The following ARHGAP8 variants were observed in gnomAD, a reference collection of about 807,000 sequenced individuals.
The protein encoded by ARHGAP8 is Rho GTPase activating protein 8, also known as rho GTPase-activating protein 8.
A neutral mutation model predicts 46.1 loss-of-function variants in ARHGAP8; 62 were observed. That is an observed-to-expected ratio of 1.34 (90% CI 1.10 to 1.66). The LOEUF is 1.66. Ranked by LOEUF, ARHGAP8 falls within the 40% of genes most tolerant of loss-of-function variation. The probability of loss-of-function intolerance (pLI) is 0.00; values close to 1 mark genes in which losing one functional copy is unlikely to be tolerated. For synonymous variants in ARHGAP8, 375 were observed against 243.1 expected (o/e 1.54, Z -5.05); for missense variants, 923 against 568.4 (o/e 1.62, Z -6.34).
intron 10 of ARHGAP8, among the ~76,000 whole-genome samples, chr22:44,851,927 A>G (rs916451913): frequency 7.2e-5 from 11 of 151,828 alleles, no homozygotes; most frequent in Non-Finnish European, 1.5e-4. Context: ...GCAGTGGCTC[A>G]CTCCTGTAAA....
intron 10 of ARHGAP8, among the ~76,000 whole-genome samples, chr22:44,852,361 A>G (rs6007324): frequency 0.51 from 77,537 of 151,428 alleles, 20,317 homozygotes; most frequent in African/African-American, 0.62. Flanking sequence ...CACCCTCTGG[A>G]CATAGGGAAG....
rs899210597 is a variant in ARHGAP8 at position 44,752,592 on chromosome 22, G to A, written c.-107G>A. Reference sequence around the variant, plus strand: ...GAGGGGCCAGGTGAGCGGCAGACCCGGCACGCAGGTGGGGGCCGGCGGGGT... The same window carrying A: ...GAGGGGCCAGGTGAGCGGCAGACCCAGCACGCAGGTGGGGGCCGGCGGGGT... On this transcript the variant is annotated 5_prime_UTR_variant, in exon 1 of 12. Coordinates refer to ENST00000356099, the MANE Select transcript of ARHGAP8 (RefSeq NM_181335.3). 6.6e-6 allele frequency: 1 copy of A among 151,920 alleles called. No individual in the cohort carries two copies. Among genetic ancestry groups the A allele is most frequent in the Non-Finnish European group, 1.5e-5 (1 of 68,022 alleles). The allele number at this position is 151,920 out of a possible 1,614,324, so 9.4% of individuals were successfully genotyped here. A position where few individuals can be genotyped will look rare whatever the true frequency, so the allele number is the denominator to read the frequency against.
At chr22:44,832,683 G>T (rs1171634275) in intron 7 of ARHGAP8, among the ~76,000 whole-genome samples, 5 of 151,990 alleles carry the variant, frequency 3.3e-5, no homozygotes, top group Non-Finnish European at 7.4e-5. Flanking sequence ...CTATATCCAG[G>T]ATCATGTCAT....
At chr22:44,774,190 C>T (rs1248143238) in intron 1 of ARHGAP8, among the ~76,000 whole-genome samples, 1 of 152,130 alleles carries the variant, frequency 6.6e-6, no homozygotes, top group Non-Finnish European at 1.5e-5. Context: ...TCCTTCAACA[C>T]CAGGCTGGTT....
chr22:44,828,867 AG>A (rs1930726492), intron 7 of ARHGAP8, among the ~76,000 whole-genome samples: 2 of 152,230 alleles, frequency 1.3e-5, no homozygotes, highest in South Asian at 4.1e-4. Context: ...TGTGGCACAC[AG>A]GGTCCCAGGG....
At chr22:44,808,760 T>A in intron 4 of ARHGAP8, 1 of 480,856 alleles carries the variant, frequency 2.1e-6, no homozygotes, top group South Asian at 1.6e-5. Context: ...GGTCAGGAGT[T>A]CGAGACCAGG....
At chr22:44,816,218 C>T (rs958612895) in intron 5 of ARHGAP8, among the ~76,000 whole-genome samples, 5 of 152,254 alleles carry the variant, frequency 3.3e-5, no homozygotes, top group Middle Eastern at 3.4e-3. Context: ...CCACAGACAC[C>T]GTGTGAGTGG....
chr22:44,856,992 G>A (rs2070243961), intron 10 of ARHGAP8, among the ~76,000 whole-genome samples: 1 of 141,788 alleles, frequency 7.1e-6, no homozygotes, highest in Admixed American at 6.8e-5. Flanking sequence ...AAAGGCTGGA[G>A]TGCAATGGTG....
intron 1 of ARHGAP8, among the ~76,000 whole-genome samples, chr22:44,770,404 C>CTT (rs59724840): frequency 0.056 from 8,195 of 145,724 alleles, 806 homozygotes; most frequent in African/African-American, 0.19. Flanking sequence ...ACCTTAGATT[C>CTT]TTTTTTTTTT....
At chr22:44,861,768 G>C (rs2070498059) in intron 11 of ARHGAP8, among the ~76,000 whole-genome samples, 1 of 152,166 alleles carries the variant, frequency 6.6e-6, no homozygotes, top group Admixed American at 6.5e-5. Flanking sequence ...AAGATGGGGA[G>C]TAATGACTCC....
chr22:44,822,586 T>C, intron 6 of ARHGAP8, 117 bp downstream of exon 6: 1 of 976,300 alleles, frequency 1.0e-6, no homozygotes, highest in Non-Finnish European at 1.4e-6. Flanking sequence ...TGGCTAGATT[T>C]GGCTCAGAAA....
intron 5 of ARHGAP8, 31 bp from the exon 6 acceptor site, chr22:44,822,340 G>A (rs764806601): frequency 1.6e-5 from 25 of 1,570,832 alleles, no homozygotes; most frequent in South Asian, 4.8e-5. Context: ...GCGCCTAATC[G>A]TTCTTTATTC....
chr22:44,852,800 T>TTTTG (rs774366081), intron 10 of ARHGAP8, among the ~76,000 whole-genome samples: 1 of 152,030 alleles, frequency 6.6e-6, no homozygotes, highest in Admixed American at 6.6e-5. Context: ...TTATTTTGTT[T>TTTTG]TTTGTTTGTT....
intron 1 of ARHGAP8, among the ~76,000 whole-genome samples, chr22:44,782,244 G>A (rs1260959147): frequency 6.6e-6 from 1 of 152,148 alleles, no homozygotes; most frequent in Non-Finnish European, 1.5e-5. Context: ...GGCTGAGGCA[G>A]GAGAATCGCT....
chr22:44,774,509 C>A (rs896504233), intron 1 of ARHGAP8, among the ~76,000 whole-genome samples: 6 of 141,382 alleles, frequency 4.2e-5, no homozygotes, highest in Non-Finnish European at 9.3e-5. Flanking sequence ...ATTGGTATTT[C>A]TTTGGGAGAT....
In ARHGAP8 at chr22:44,759,558, G is replaced by T. The variant is rs143514503; in HGVS notation, c.-72+6931G>T. Among the ~76,000 whole-genome samples, 1,132 of 152,326 alleles carry T rather than the reference G, an allele frequency of 7.4e-3. 9 individuals carry two copies. The highest frequency in any genetic ancestry group is 0.026 in the African/African-American group (1,091 of 41,570). ...GTTAGCTATTCCCTTCATTCTCTGT[G>T]GGCTGCTGGGTCTGCAGAGGGGCGG... On this transcript the variant is annotated intron_variant, in intron 1 of 11. Coordinates refer to ENST00000356099, the MANE Select transcript of ARHGAP8 (RefSeq NM_181335.3).
At chr22:44,765,768 C>T (rs555200551) in intron 1 of ARHGAP8, 1 of 152,530 alleles carries the variant, frequency 6.6e-6, no homozygotes, top group East Asian at 1.9e-4. Context: ...GTGCCAAGTT[C>T]TCAGCTCGCC....
intron 8 of ARHGAP8, among the ~76,000 whole-genome samples, chr22:44,846,810 A>C (rs1226288700): frequency 6.6e-6 from 1 of 151,970 alleles, no homozygotes; most frequent in Non-Finnish European, 1.5e-5. Flanking sequence ...CAGCTATTCC[A>C]CCGAGAGCTG....
At chr22:44,860,033 A>C (rs984562769) in intron 11 of ARHGAP8, among the ~76,000 whole-genome samples, 199 bp downstream of exon 11, 7 of 151,934 alleles carry the variant, frequency 4.6e-5, no homozygotes, top group African/African-American at 1.7e-4. Context: ...CCTGCCTGTC[A>C]GACAGGGCGT....
Sources: gnomAD v4.1 joint callset for allele counts (sites outside exome capture counted in the v4.1 genomes callset) on GRCh38, gnomAD v4.1.1 for gene constraint, MANE v1.5 for transcripts, NCBI Gene and HGNC (gene_info 2026-07-23, HGNC 2026-07-21) for gene names.